Variants in IL2RB observed in about 807,000 individuals in gnomAD.
IL2RB encodes the protein interleukin 2 receptor subunit beta, also known as interleukin-2 receptor subunit beta.
Under a neutral mutation model 44.2 loss-of-function variants are expected in IL2RB, and 17 were observed. The observed-to-expected ratio is 0.38, with a 90% CI of 0.26 to 0.58. IL2RB has a LOEUF of 0.58. Among genes scored for constraint, IL2RB ranks in the 20% least tolerant of loss-of-function variants. IL2RB has a pLI of 0.63. For synonymous variants in IL2RB, 286 were observed against 297.9 expected (o/e 0.96, Z 0.41); for missense variants, 624 against 685.5 (o/e 0.91, Z 1.00).
chr22:37,147,133 G>A (rs228976), intron 1 of IL2RB, among the ~76,000 whole-genome samples: 124,334 of 152,170 alleles, frequency 0.82, 51,560 homozygotes, highest in African/African-American at 0.95. Context: ...CACCCCCTTA[G>A]TCACACCAAA....
At chr22:37,135,986 G>C (rs1179007351) in intron 7 of IL2RB, among the ~76,000 whole-genome samples, 1 of 152,144 alleles carries the variant, frequency 6.6e-6, no homozygotes, top group Admixed American at 6.5e-5. Context: ...GAGATTTCAG[G>C]GTGGAGAAGA....
intron 1 of IL2RB, among the ~76,000 whole-genome samples, chr22:37,157,222 C>T (rs1286338956): frequency 6.6e-6 from 1 of 152,176 alleles, no homozygotes; most frequent in East Asian, 1.9e-4. Context: ...GGCTGTCCTC[C>T]GAGCATGCCC....
Position 37,128,403 on chromosome 22 carries a change from G to T in IL2RB, c.1349C>A (p.Ala450Asp). 6.6e-7 allele frequency: 1 copy of T among 1,512,514 alleles called. No individual in the cohort carries two copies. Among genetic ancestry groups the T allele is most frequent in the Non-Finnish European group, 8.8e-7 (1 of 1,131,582 alleles). The allele number at this position is 1,512,514 out of a possible 1,614,324, so 93.7% of individuals were successfully genotyped here. A position where few individuals can be genotyped will look rare whatever the true frequency, so the allele number is the denominator to read the frequency against. The change falls in exon 10 of 10, where the codon GCC (alanine) becomes GAC (aspartate). Residue 450 changes from alanine to aspartate, a missense_variant. By Grantham distance (126) the Ala-to-Asp change is moderately radical (BLOSUM62 -2). Around this residue, in one of 3 missense-constraint regions of IL2RB, gnomAD observed 291 missense variants for 275.5 expected, o/e 1.06. Transcript: ENST00000216223. This position sits in a 1 kb window ranked among gnomAD's most constrained non-coding sequence, Gnocchi z 4.5. Reference sequence around the variant, plus strand: ...AGAAGGGGGCATCCTCTCTTCACCGGCCCCACTGCCCCCAGGGGCAGTGCT... The same window carrying T: ...AGAAGGGGGCATCCTCTCTTCACCGTCCCCACTGCCCCCAGGGGCAGTGCT... ...PPSTAPGGSG[A>D]GEERMPPSLQ...
Position 37,128,398 on chromosome 22 carries a change from C to T in IL2RB, c.1354G>A (p.Glu452Lys), listed in dbSNP as rs933977822. Residue 452 changes from glutamate to lysine, a missense_variant, in exon 10 of 10, where the codon GAA becomes AAA. Glu to Lys is a moderately conservative substitution (Grantham distance 56, BLOSUM62 1). Transcript: ENST00000216223. The surrounding 1 kb of genome is among the most constrained non-coding windows in gnomAD (Gnocchi z 4.5). ...STAPGGSGAG[E>K]ERMPPSLQER... is the part of the protein sequence containing the mutation. ...TGCAAAGAAGGGGGCATCCTCTCTTCACCGGCCCCACTGCCCCCAGGGGCA... is the reference window on the plus strand; with the variant it reads ...TGCAAAGAAGGGGGCATCCTCTCTTTACCGGCCCCACTGCCCCCAGGGGCA... The T allele has an allele frequency of 2.0e-6, 3 of 1,513,138 alleles. No homozygotes were observed. Among genetic ancestry groups the T allele is most frequent in the Non-Finnish European group, 2.6e-6 (3 of 1,132,148 alleles). The allele number at this position is 1,513,138 out of a possible 1,614,324, so 93.7% of individuals were successfully genotyped here.
chr22:37,158,828 T>C (rs1013317061), intron 1 of IL2RB, among the ~76,000 whole-genome samples: 2 of 152,194 alleles, frequency 1.3e-5, no homozygotes, highest in Non-Finnish European at 2.9e-5. Context: ...CTCCAGCCAG[T>C]TTCCTACCTG....
At position 37,142,483 on chromosome 22, in the gene IL2RB, G is replaced by A. The variant is rs762894023; in HGVS notation, c.233C>T (p.Pro78Leu). The change falls in exon 4 of 10, where the codon CCC becomes CTC. Residue 78 changes from proline to leucine, a missense_variant. Physicochemically the swap from Pro to Leu is moderately conservative, Grantham distance 98 (BLOSUM62 -3). This residue lies in a region of IL2RB where 255 missense variants were observed against 339.9 expected (regional missense o/e 0.75). Coordinates refer to ENST00000216223, the MANE Select transcript of IL2RB (RefSeq NM_000878.5). ...GCAGGCCCAGGATGCTTGACTCACG[G>A]GGAGCAGCTCACAGGTTTGGTTCCA... is the stretch of plus-strand genomic sequence containing the variant. ...RRWNQTCELL[P>L]VSQASWACNL... 3 of 1,614,146 alleles carry A rather than the reference G, an allele frequency of 1.9e-6. No homozygotes were observed. Among genetic ancestry groups the A allele is most frequent in the South Asian group, 2.2e-5 (2 of 91,086 alleles).
At chr22:37,152,189 T>A (rs1922516516), upstream of IL2RB, among the ~76,000 whole-genome samples, 1 of 152,244 alleles carries the variant, frequency 6.6e-6, no homozygotes, top group East Asian at 1.9e-4. Context: ...TATTGATTCT[T>A]CCAATCCATA....
chr22:37,132,489 AAGG>A, intron 8 of IL2RB, 21 bp from the exon 9 acceptor site: 2 of 1,597,816 alleles, frequency 1.3e-6, no homozygotes, highest in South Asian at 2.2e-5. Flanking sequence ...GAGAGGAGGG[AAGG>A]AGGAGGGTGA....
At chr22:37,174,957 CG>C (rs1449522485) in exon 1 of IL2RB, 1 of 152,282 alleles carries the variant, frequency 6.6e-6, no homozygotes, top group East Asian at 1.9e-4. Context: ...AATTGACTCA[CG>C]GTTCCACATG....
At chr22:37,174,427 T>C (rs1410468466) in intron 1 of IL2RB, among the ~76,000 whole-genome samples, 2 of 152,128 alleles carry the variant, frequency 1.3e-5, no homozygotes, top group East Asian at 3.9e-4. Context: ...GGGAACCGTA[T>C]ATGTGCCCAA....
chr22:37,134,732 C>T (rs1921597153), intron 8 of IL2RB, among the ~76,000 whole-genome samples: 1 of 152,176 alleles, frequency 6.6e-6, no homozygotes, highest in African/African-American at 2.4e-5. Context: ...GGCAATACGT[C>T]GACATCCTCC....
chr22:37,141,063 C>G lies in IL2RB; in HGVS notation c.282+1371G>C, dbSNP rs1027848875. Among the ~76,000 whole-genome samples, 5 of 152,152 alleles carry G rather than the reference C, an allele frequency of 3.3e-5. No individual in the cohort carries two copies. The highest frequency in any genetic ancestry group is 3.2e-3 in the Middle Eastern group (1 of 316). ...TCCTGCTCCACGGAGCAGGTAGGAGCCCTGCCCTCCCAGGCAGGGCTGCAG... is the reference window on the plus strand; with the variant it reads ...TCCTGCTCCACGGAGCAGGTAGGAGGCCTGCCCTCCCAGGCAGGGCTGCAG... On this transcript the variant is annotated intron_variant, in intron 4 of 9. Transcript: ENST00000216223. This position sits in a 1 kb window ranked among gnomAD's most constrained non-coding sequence, Gnocchi z 4.4.
rs201360122 is a variant in IL2RB, at chr22:37,135,339, G to C, written c.807C>G (p.Asn269Lys). Residue 269 changes from asparagine (N) to lysine (K), a missense_variant, in exon 8 of 10, where the codon AAC becomes AAG. This residue lies in a region of IL2RB where 255 missense variants were observed against 339.9 expected (regional missense o/e 0.75). Coordinates refer to ENST00000216223, the MANE Select transcript of IL2RB (RefSeq NM_000878.5). ...ILVYLLINCRNTGPWLKKVLK... is the reference protein window; with the variant it reads ...ILVYLLINCRKTGPWLKKVLK... ...GAGAACCTTCTTACCATGGCCCGGT[G>C]TTCCTGCAGTTGATCAGCAAGTACA... 6.2e-7 allele frequency: 1 copy of C among 1,613,142 alleles called. No individual in the cohort carries two copies. The highest frequency in any genetic ancestry group is 8.5e-7 in the Non-Finnish European group (1 of 1,179,140).
intron 2 of IL2RB, among the ~76,000 whole-genome samples, 192 bp from the exon 3 acceptor site, chr22:37,143,827 A>T (rs993991050): frequency 1.3e-5 from 2 of 152,164 alleles, no homozygotes; most frequent in Non-Finnish European, 2.9e-5. Context: ...AAGTTCCTAC[A>T]GGCAAACTAA....
At chr22:37,154,662 G>A (rs986994437), upstream of IL2RB, among the ~76,000 whole-genome samples, 3 of 149,572 alleles carry the variant, frequency 2.0e-5, no homozygotes, top group East Asian at 2.0e-4. Context: ...TGCAAGCTCC[G>A]CCTCCCCGGT....
intron 9 of IL2RB, 82 bp downstream of exon 9, chr22:37,132,302 C>T (rs1921473853): frequency 9.0e-7 from 1 of 1,105,150 alleles, no homozygotes; most frequent in African/African-American, 1.6e-5. Context: ...TCTCACAAAA[C>T]ACAAAATTAG....
At position 37,141,520 on chromosome 22, in the gene IL2RB, C is replaced by T. The variant is rs527379687; in HGVS notation, c.282+914G>A. 7.9e-5 allele frequency among the ~76,000 whole-genome samples: 12 copies of T among 152,070 alleles called. No homozygotes were observed. The East Asian group carries it at 1.9e-3, about 25-fold the overall frequency. ...GGACAAGCGGGACCCCTGCCCCTTCCGAGGTAGCCAGGAGCTCTCCTGGGG... is the reference window on the plus strand; with the variant it reads ...GGACAAGCGGGACCCCTGCCCCTTCTGAGGTAGCCAGGAGCTCTCCTGGGG... On this transcript the variant is annotated intron_variant, in intron 4 of 9. Coordinates refer to ENST00000216223, the MANE Select transcript of IL2RB (RefSeq NM_000878.5). The surrounding 1 kb of genome is among the most constrained non-coding windows in gnomAD (Gnocchi z 4.4).
At chr22:37,135,163 G>A (rs1027071019) in intron 8 of IL2RB, among the ~76,000 whole-genome samples, 165 bp downstream of exon 8, 1 of 152,168 alleles carries the variant, frequency 6.6e-6, no homozygotes, top group Non-Finnish European at 1.5e-5. Flanking sequence ...GGGTGTATCA[G>A]AGCAGGGGGT....
intron 1 of IL2RB, among the ~76,000 whole-genome samples, chr22:37,147,348 C>T (rs910345360): frequency 6.6e-6 from 1 of 152,182 alleles, no homozygotes; most frequent in Admixed American, 6.5e-5. Context: ...TGCCCAGTGC[C>T]CAGGCAGGGA....
Sources: allele counts gnomAD v4.1 joint callset (sites outside exome capture counted in the v4.1 genomes callset), GRCh38; gene constraint gnomAD v4.1.1; regional missense constraint gnomAD v4.1.1; non-coding constraint Gnocchi (gnomAD v3.1); transcripts MANE v1.5; gene names NCBI Gene and HGNC (gene_info 2026-07-23, HGNC 2026-07-21).